The following MEIOC variants were observed in gnomAD, a reference collection of about 807,000 sequenced individuals.
The protein encoded by MEIOC is meiosis-specific coiled-coil domain-containing protein MEIOC.
Under a neutral mutation model 85.3 loss-of-function variants are expected in MEIOC, and 9 were observed. The ratio of observed to expected loss-of-function variants is 0.11; its 90% CI spans 0.06 to 0.18. MEIOC has a LOEUF of 0.18. MEIOC is among the 10% of genes least tolerant of loss of function. The probability of loss-of-function intolerance (pLI) is 1.00; values close to 1 mark genes in which losing one functional copy is unlikely to be tolerated. For synonymous variants in MEIOC, 365 were observed against 393.7 expected (o/e 0.93, Z 0.86); for missense variants, 898 against 1,129.4 (o/e 0.80, Z 2.94).
intron 2 of MEIOC, among the ~76,000 whole-genome samples, chr17:44,658,777 A>C (rs1383804525): frequency 2.7e-5 from 4 of 147,546 alleles, no homozygotes; most frequent in Non-Finnish European, 6.0e-5. Context: ...TGGGTGACAG[A>C]GTGAGACTCC....
At chr17:44,673,612 A>G in intron 7 of MEIOC, 66 bp downstream of exon 7, 3 of 1,286,440 alleles carry the variant, frequency 2.3e-6, no homozygotes, top group Non-Finnish European at 3.1e-6. Flanking sequence ...ATAAAATCAG[A>G]TTCTGAGGTT....
chr17:44,671,057 A>G (rs944104681), intron 6 of MEIOC: 1 of 152,118 alleles, frequency 6.6e-6, no homozygotes, highest in African/African-American at 2.4e-5. Context: ...AAAAAAATGC[A>G]GCAAAACGGA....
downstream of MEIOC, chr17:44,675,973 C>T (rs1291257911): frequency 5.9e-6 from 1 of 169,726 alleles, no homozygotes; most frequent in African/African-American, 2.4e-5. Flanking sequence ...ATGGATCTAA[C>T]CAGATCTCCT....
chr17:44,664,704 G>A (rs979835662), intron 3 of MEIOC, among the ~76,000 whole-genome samples: 4 of 152,114 alleles, frequency 2.6e-5, no homozygotes, highest in African/African-American at 9.7e-5. Context: ...ACTGTAACAG[G>A]TAAAAGGTAC....
chr17:44,657,462 C>T (rs937746280), intron 2 of MEIOC, among the ~76,000 whole-genome samples: 1 of 146,132 alleles, frequency 6.8e-6, no homozygotes, highest in African/African-American at 2.5e-5. Context: ...CGGCTCACTG[C>T]AACCTCCGCC....
chr17:44,660,732 T>C (rs1011560417), intron 2 of MEIOC, among the ~76,000 whole-genome samples: 2 of 151,968 alleles, frequency 1.3e-5, no homozygotes, highest in African/African-American at 4.8e-5. Context: ...AATCTTTTTT[T>C]GTTTGTTAAA....
chr17:44,671,570 T>C (rs374342773), intron 6 of MEIOC, among the ~76,000 whole-genome samples: 2 of 150,374 alleles, frequency 1.3e-5, no homozygotes, highest in Non-Finnish European at 1.5e-5. Flanking sequence ...AAAATTCATT[T>C]TATCTATACT....
chr17:44,667,900 A>T lies in MEIOC; in HGVS notation c.1989A>T (p.Ser663=). ...DNSRVNRTQV[S]CFSNNYMMGD... is the part of the protein sequence containing the mutation. ...GCCGTGTGAATCGCACACAAGTGTCATGCTTTTCTAATAATTATATGATGG... is the reference window on the plus strand; with the variant it reads ...GCCGTGTGAATCGCACACAAGTGTCTTGCTTTTCTAATAATTATATGATGG... Residue 663 remains serine (S), a synonymous_variant, in exon 5 of 8, where the codon TCA becomes TCT. Coordinates refer to ENST00000409122, the MANE Select transcript of MEIOC (RefSeq NM_001145080.3). 1 of 1,613,918 alleles carries T rather than the reference A, an allele frequency of 6.2e-7. No homozygotes were observed.
rs1392194395 is a variant in MEIOC, at chr17:44,673,400, G to A, written c.2492G>A (p.Arg831Gln). 5.2e-6 allele frequency: 8 copies of A among 1,547,340 alleles called. No homozygotes were observed. Among genetic ancestry groups the A allele is most frequent in the Middle Eastern group, 1.7e-4 (1 of 5,996 alleles). The change falls in exon 7 of 8, where the codon CGG (arginine) becomes CAG (glutamine). Residue 831 changes from arginine (R) to glutamine (Q), a missense_variant. By Grantham distance (43) the Arg-to-Gln change is conservative (BLOSUM62 1). This residue lies in a region of MEIOC where 164 missense variants were observed against 269.2 expected (regional missense o/e 0.61). Coordinates refer to ENST00000409122, the MANE Select transcript of MEIOC (RefSeq NM_001145080.3). ...TTACTAGGCAAAATGGAACGTCTTCGGAGTTCTCTTCTTCATGCCAGTATC... is the reference window on the plus strand; with the variant it reads ...TTACTAGGCAAAATGGAACGTCTTCAGAGTTCTCTTCTTCATGCCAGTATC... ...VTLLGKMERL[R>Q]SSLLHASIST...
At position 44,666,647 on chromosome 17, in the gene MEIOC, A is replaced by G. The variant is rs1305392693; in HGVS notation, c.736A>G (p.Asn246Asp). The change falls in exon 5 of 8, where the codon AAC (asparagine) becomes GAC (aspartate). Residue 246 changes from asparagine (N) to aspartate (D), a missense_variant. Asn to Asp is a conservative substitution (Grantham distance 23). Transcript: ENST00000409122. ...GTACCCCTCACGAAGTGATCATTCT[A>G]ACTGTCACAATATTCAGACAAATGA... Reference protein sequence around the residue: ...WMYPSRSDHSNCHNIQTNDTA... With the variant: ...WMYPSRSDHSDCHNIQTNDTA... 6.2e-7 allele frequency: 1 copy of G among 1,611,920 alleles called. No individual in the cohort carries two copies. The highest frequency in any genetic ancestry group is 1.1e-5 in the South Asian group (1 of 90,678).
rs757875577 is a variant in MEIOC at position 44,666,993 on chromosome 17, C to A, written c.1082C>A (p.Pro361Gln). 1 of 1,613,394 alleles carries A rather than the reference C, an allele frequency of 6.2e-7. No homozygotes were observed. The highest frequency in any genetic ancestry group is 8.5e-7 in the Non-Finnish European group (1 of 1,179,624). The change falls in exon 5 of 8, where the codon CCA (proline) becomes CAA (glutamine). Residue 361 changes from proline to glutamine, a missense_variant. This residue lies in a region of MEIOC where 734 missense variants were observed against 860.1 expected (regional missense o/e 0.85). Transcript: ENST00000409122. ...TTAGCCAATGGCACACCTGAAACAC[C>A]AACTGTAGAAGCAGACACCTACACA... ...KKLANGTPET[P>Q]TVEADTYTKL... is the part of the protein sequence containing the mutation.
chr17:44,664,928 G>A (rs1450137351), intron 3 of MEIOC, among the ~76,000 whole-genome samples: 1 of 152,122 alleles, frequency 6.6e-6, no homozygotes, highest in African/African-American at 2.4e-5. Context: ...TATTAATATA[G>A]AGTCACAAAA....
Position 44,657,144 on chromosome 17 carries a change from C to T in MEIOC, c.87C>T (p.Pro29=), listed in dbSNP as rs1293677123. The T allele has an allele frequency of 4.5e-6, 7 of 1,550,700 alleles. No individual in the cohort carries two copies. The highest frequency in any genetic ancestry group is 6.1e-6 in the Non-Finnish European group (7 of 1,146,858). ...EEGLEPKVAF[P]GGANRCWNLG... The stretch of plus-strand genomic sequence containing the variant: ...TGCTGCAGCCCAAAGTCGCGTTCCC[C>T]GGAGGTGCGAATCGCTGTTGGAACC... The change falls in exon 2 of 8, where the codon CCC becomes CCT. Residue 29 remains proline (P), a synonymous_variant. Transcript: ENST00000409122.
intron 3 of MEIOC, among the ~76,000 whole-genome samples, chr17:44,662,849 A>G (rs1971858782): frequency 6.6e-6 from 1 of 152,108 alleles, no homozygotes; most frequent in Admixed American, 6.6e-5. Context: ...TTTTCTTTTT[A>G]AGAAACGAGG....
intron 3 of MEIOC, among the ~76,000 whole-genome samples, chr17:44,663,881 A>C (rs1300540606): frequency 1.3e-5 from 2 of 152,196 alleles, no homozygotes. Context: ...GCAAAATACA[A>C]GTTTCTTAAT....
chr17:44,668,221 A>G lies in MEIOC; in HGVS notation c.2310A>G (p.Lys770=). 6.3e-7 allele frequency: 1 copy of G among 1,593,688 alleles called. No individual in the cohort carries two copies. Among genetic ancestry groups the G allele is most frequent in the Non-Finnish European group, 8.5e-7 (1 of 1,173,238 alleles). Reference sequence around the variant, plus strand: ...GTGAACAATGGAGAGCATTAGAAAAAGAGAGAAAAAAGGTAACACAAAGTT... The same window carrying G: ...GTGAACAATGGAGAGCATTAGAAAAGGAGAGAAAAAAGGTAACACAAAGTT... The part of the protein sequence containing the change: ...ECCEQWRALE[K]ERKKTELALA... The change falls in exon 5 of 8, where the codon AAA becomes AAG. Residue 770 remains lysine, a synonymous_variant. Coordinates refer to ENST00000409122, the MANE Select transcript of MEIOC (RefSeq NM_001145080.3).
In MEIOC at chr17:44,666,433, T is replaced by C. The variant is rs1971904403; in HGVS notation, c.522T>C (p.Asp174=). 1 of 1,555,182 alleles carries C rather than the reference T, an allele frequency of 6.4e-7. No individual in the cohort carries two copies. The highest frequency in any genetic ancestry group is 8.7e-7 in the Non-Finnish European group (1 of 1,148,406). The stretch of plus-strand genomic sequence containing the variant: ...CAATGAACACAAGCAGATTTGCAGA[T>C]CACCATGACCTCTTAACAGAAACCA... ...VWPMNTSRFA[D]HHDLLTETKR... is the part of the protein sequence containing the mutation. Residue 174 remains aspartate (D), a synonymous_variant, in exon 5 of 8, where the codon GAT becomes GAC. Transcript: ENST00000409122.
At chr17:44,662,576 T>C (rs1386498126) in intron 3 of MEIOC, 105 bp downstream of exon 3, 3 of 817,720 alleles carry the variant, frequency 3.7e-6, no homozygotes, top group South Asian at 2.1e-5. Flanking sequence ...TTTACTATTG[T>C]GGCATTTTGT....
Position 44,668,240 on chromosome 17 carries a change from C to A in MEIOC, c.2322+7C>A. Reference sequence around the variant, plus strand: ...AGAAAAAGAGAGAAAAAAGGTAACACAAAGTTAACCACTTAGGAATAACAG... The same window carrying A: ...AGAAAAAGAGAGAAAAAAGGTAACAAAAAGTTAACCACTTAGGAATAACAG... On this transcript the variant is annotated splice_region_variant and intron_variant, in intron 5 of 7. Transcript: ENST00000409122. 1 of 1,582,042 alleles carries A rather than the reference C, an allele frequency of 6.3e-7. No homozygotes were observed. The highest frequency in any genetic ancestry group is 8.6e-7 in the Non-Finnish European group (1 of 1,167,068).
Sources: allele counts gnomAD v4.1 joint callset (sites outside exome capture counted in the v4.1 genomes callset), GRCh38; gene constraint gnomAD v4.1.1; regional missense constraint gnomAD v4.1.1; transcripts MANE v1.5; gene names NCBI Gene and HGNC (gene_info 2026-07-23, HGNC 2026-07-21).